The following DNAJC17 variants were observed in gnomAD, a reference collection of about 807,000 sequenced individuals.
The protein encoded by DNAJC17 is DnaJ heat shock protein family (Hsp40) member C17, also known as dnaJ homolog subfamily C member 17.
Under a neutral mutation model 48.1 loss-of-function variants are expected in DNAJC17, and 35 were observed. The ratio of observed to expected loss-of-function variants is 0.73; its 90% CI spans 0.56 to 0.96. The LOEUF (loss-of-function observed/expected upper bound fraction) is 0.96. Among genes scored for constraint, DNAJC17 ranks in the 50% least tolerant of loss-of-function variants. The probability of loss-of-function intolerance (pLI) is 0.00; values close to 1 mark genes in which losing one functional copy is unlikely to be tolerated. For missense variants in DNAJC17, 355 were observed against 377.1 expected, an observed-to-expected ratio of 0.94 and a Z score of 0.48; for synonymous variants, 117 against 142.7, an observed-to-expected ratio of 0.82 and a Z score of 1.28.
At chr15:40,776,440 G>T in intron 5 of DNAJC17, 102 bp downstream of exon 5, 1 of 1,490,938 alleles carries the variant, frequency 6.7e-7, no homozygotes, top group South Asian at 1.1e-5. Flanking sequence ...CACTGAAGGT[G>T]CAAAGAGCAT....
In DNAJC17 at chr15:40,775,108, G is replaced by C. The variant is rs1889282634; in HGVS notation, c.523C>G (p.Leu175Val). Residue 175 changes from leucine to valine, a missense_variant and splice_region_variant, in exon 8 of 11, where the codon CTA becomes GTA. Physicochemically the swap from Leu to Val is conservative, Grantham distance 32 (BLOSUM62 1). Around this residue, in one of 3 missense-constraint regions of DNAJC17, gnomAD observed 68 missense variants for 109.5 expected, o/e 0.62. Transcript: ENST00000220496. Reference protein sequence around the residue: ...TEGQGTPKLKLKWKCKKEDES... With the variant: ...TEGQGTPKLKVKWKCKKEDES... The stretch of plus-strand genomic sequence containing the variant: ...TCCTCCTTCTTGCACTTCCATTTTA[G>C]CTGAAAAGAGAGCCTCATGAAACAC... 6.2e-7 allele frequency: 1 copy of C among 1,613,990 alleles called. No individual in the cohort carries two copies.
intron 4 of DNAJC17, chr15:40,777,012 GA>G (rs1458620946): frequency 9.1e-6 from 2 of 220,912 alleles, no homozygotes; most frequent in Non-Finnish European, 1.8e-5. Context: ...CTTTGGCTTT[GA>G]TTCTTTTCAC....
intron 1 of DNAJC17, among the ~76,000 whole-genome samples, chr15:40,791,076 G>A (rs1201140638): frequency 6.6e-6 from 1 of 152,164 alleles, no homozygotes; most frequent in Non-Finnish European, 1.5e-5. Flanking sequence ...GGTGACTCAT[G>A]CCTGTAATCC....
chr15:40,777,281 CTTTTTTTTTT>C lies in DNAJC17; in HGVS notation c.296-664_296-655del, dbSNP rs1162001252. ...TTAGACTCTCCTTTTCTCTCTCTCTCTTTTTTTTTTTTTTTTTTTGAGATGGGGTCTCCTG... is the reference window on the plus strand; with the variant it reads ...TTAGACTCTCCTTTTCTCTCTCTCTCTTTTTTTTTGAGATGGGGTCTCCTG... On this transcript the variant is annotated intron_variant, in intron 4 of 10. Transcript: ENST00000220496. Among the ~76,000 whole-genome samples, 4 of 131,560 alleles carry C rather than the reference CTTTTTTTTTT, an allele frequency of 3.0e-5. No homozygotes were observed. The East Asian group carries it at 8.7e-4, about 28-fold the overall frequency. 86.3% of individuals were successfully genotyped at this position (131,560 alleles called of 152,430 possible). A position where few individuals can be genotyped will look rare whatever the true frequency, so the allele number is the denominator to read the frequency against.
rs1889047575 is a variant in DNAJC17 at position 40,769,183 on chromosome 15, G to A, written c.793-1121C>T. Among the ~76,000 whole-genome samples, 2 of 152,184 alleles carry A rather than the reference G, an allele frequency of 1.3e-5. No individual in the cohort carries two copies. Among genetic ancestry groups the A allele is most frequent in the South Asian group, 4.1e-4 (2 of 4,828 alleles). ...TCCCCGGCTGCAGCAGTCCCAGCTA[G>A]GCCGGACTGCTAAGCCTGGCCCAGA... On this transcript the variant is annotated intron_variant, in intron 10 of 10. Coordinates refer to ENST00000220496, the MANE Select transcript of DNAJC17 (RefSeq NM_018163.3). The surrounding 1 kb of genome is among the most constrained non-coding windows in gnomAD (Gnocchi z 4.2).
intron 7 of DNAJC17, 93 bp from the exon 8 acceptor site, chr15:40,775,201 C>G (rs1889285389): frequency 1.5e-6 from 2 of 1,310,312 alleles, no homozygotes; most frequent in Admixed American, 3.6e-5. Flanking sequence ...ATCCTCCCAC[C>G]CTCCAAGCCT....
intron 1 of DNAJC17, among the ~76,000 whole-genome samples, chr15:40,806,220 CTTT>C (rs34520548): frequency 7.3e-5 from 9 of 122,874 alleles, no homozygotes; most frequent in Non-Finnish European, 1.3e-4. Flanking sequence ...TTTTTTTTTC[CTTT>C]TTTTTTTTTT....
intron 1 of DNAJC17, among the ~76,000 whole-genome samples, chr15:40,789,680 T>C (rs1310581228): frequency 1.3e-5 from 2 of 151,016 alleles, no homozygotes; most frequent in Non-Finnish European, 2.9e-5. Flanking sequence ...TCCCAGGGGG[T>C]AGAACTCCTT....
intron 1 of DNAJC17, among the ~76,000 whole-genome samples, chr15:40,797,897 T>A (rs1889980913): frequency 6.6e-6 from 1 of 151,286 alleles, no homozygotes; most frequent in Non-Finnish European, 1.5e-5. Context: ...AGTTTTTCTA[T>A]TTTTAGTAGA....
Position 40,767,472 on chromosome 15 carries a change from C to T in DNAJC17, c.*468G>A, listed in dbSNP as rs1566817223. On this transcript the variant is annotated 3_prime_UTR_variant, in exon 11 of 11. Transcript: ENST00000220496. ...CTTCCCAAATCATCACCGCCATGGG[C>T]CCAGCCCCAAAGGGCAGTGAATGGC... is the stretch of plus-strand genomic sequence containing the variant. 3 of 1,171,378 alleles carry T rather than the reference C, an allele frequency of 2.6e-6. No individual in the cohort carries two copies. Among genetic ancestry groups the T allele is most frequent in the African/African-American group, 3.2e-5 (2 of 62,626 alleles). The allele number at this position is 1,171,378 out of a possible 1,614,324, so 72.6% of individuals were successfully genotyped here.
rs1463897881 is a variant in DNAJC17 at position 40,766,713 on chromosome 15, G to T, written c.*1227C>A. On this transcript the variant is annotated 3_prime_UTR_variant, in exon 11 of 11. Transcript: ENST00000220496. ...TGCTAGGGAGTGGCGCACAGAGCCA[G>T]GAGCTACTGGGGCTCAGCCTTGTTG... is the stretch of plus-strand genomic sequence containing the variant. 9 of 152,484 alleles carry T rather than the reference G, an allele frequency of 5.9e-5. No homozygotes were observed. The highest frequency in any genetic ancestry group is 5.9e-4 in the Admixed American group (9 of 15,290). The allele number at this position is 152,484 out of a possible 1,614,324, so 9.4% of individuals were successfully genotyped here.
chr15:40,807,256 C>G, intron 1 of DNAJC17, 113 bp downstream of exon 1: 1 of 1,592,846 alleles, frequency 6.3e-7, no homozygotes, highest in South Asian at 1.1e-5. Context: ...ACCCTCGCTC[C>G]CCGCCCAGGA....
intron 1 of DNAJC17, among the ~76,000 whole-genome samples, chr15:40,805,402 C>T (rs1337937862): frequency 7.0e-6 from 1 of 143,734 alleles, no homozygotes; most frequent in African/African-American, 2.6e-5. Context: ...AAAAAATTAG[C>T]CGGGCGTGGT....
chr15:40,778,453 A>G (rs538391743), intron 4 of DNAJC17, among the ~76,000 whole-genome samples: 1 of 152,218 alleles, frequency 6.6e-6, no homozygotes, highest in Non-Finnish European at 1.5e-5. Flanking sequence ...GGGTTTCACC[A>G]TCTTGGCCAG....
At chr15:40,802,428 C>T (rs966442582) in intron 1 of DNAJC17, among the ~76,000 whole-genome samples, 9 of 152,060 alleles carry the variant, frequency 5.9e-5, no homozygotes, top group Admixed American at 4.6e-4. Flanking sequence ...CTGGGCCTCT[C>T]GAAGTGCTGG....
chr15:40,774,643 A>G (rs1446757064), intron 8 of DNAJC17, among the ~76,000 whole-genome samples: 2 of 152,280 alleles, frequency 1.3e-5, no homozygotes, highest in African/African-American at 4.8e-5. Context: ...CAGCAAAGGA[A>G]TGATGAGCAA....
At position 40,767,883 on chromosome 15, in the gene DNAJC17, A is replaced by T. The variant is rs1307500936; in HGVS notation, c.*57T>A. 3 of 1,590,192 alleles carry T rather than the reference A, an allele frequency of 1.9e-6. No individual in the cohort carries two copies. Among genetic ancestry groups the T allele is most frequent in the Non-Finnish European group, 2.6e-6 (3 of 1,173,844 alleles). ...TAGAGGTAAAATCTTAAAAAAAAAA[A>T]AAATTTATTGGTGACGTTGAAGAAA... On this transcript the variant is annotated 3_prime_UTR_variant, in exon 11 of 11. Coordinates refer to ENST00000220496, the MANE Select transcript of DNAJC17 (RefSeq NM_018163.3).
At chr15:40,795,785 G>A (rs1346130708) in intron 1 of DNAJC17, among the ~76,000 whole-genome samples, 1 of 152,114 alleles carries the variant, frequency 6.6e-6, no homozygotes, top group Non-Finnish European at 1.5e-5. Flanking sequence ...GTCCCAGGTT[G>A]TGAGGCTGAG....
intron 8 of DNAJC17, among the ~76,000 whole-genome samples, chr15:40,774,744 G>T (rs1401318659): frequency 6.6e-6 from 1 of 152,210 alleles, no homozygotes; most frequent in Admixed American, 6.5e-5. Context: ...TGCCAGATAC[G>T]CACCTCGTCC....
Sources: gnomAD v4.1 joint callset for allele counts (sites outside exome capture counted in the v4.1 genomes callset) on GRCh38, gnomAD v4.1.1 for gene constraint, gnomAD v4.1.1 regional missense constraint, Gnocchi (gnomAD v3.1) non-coding constraint, MANE v1.5 for transcripts, NCBI Gene and HGNC (gene_info 2026-07-23, HGNC 2026-07-21) for gene names.